Variants in NMNAT2 observed in about 807,000 individuals in gnomAD.
NMNAT2 encodes nicotinamide/nicotinic acid mononucleotide adenylyltransferase 2.
A neutral mutation model predicts 41.6 loss-of-function variants in NMNAT2; 11 were observed. The observed-to-expected ratio is 0.26, with a 90% CI of 0.17 to 0.44. The LOEUF is 0.44. Among genes scored for constraint, NMNAT2 ranks in the 20% least tolerant of loss-of-function variants. The probability of loss-of-function intolerance (pLI) is 1.00; values close to 1 mark genes in which losing one functional copy is unlikely to be tolerated. For missense variants in NMNAT2, 288 were observed against 407.7 expected (o/e 0.71, Z 2.53); for synonymous variants, 148 against 151.2 (o/e 0.98, Z 0.16).
intron 1 of NMNAT2, among the ~76,000 whole-genome samples, chr1:183,298,675 C>T (rs1007499105): frequency 6.6e-5 from 10 of 152,104 alleles, no homozygotes; most frequent in South Asian, 4.1e-4. Context: ...TTGAATTCAG[C>T]GCCACAACAA....
At chr1:183,357,274 G>A (rs1663214871) in intron 1 of NMNAT2, among the ~76,000 whole-genome samples, 1 of 137,900 alleles carries the variant, frequency 7.3e-6, no homozygotes, top group Non-Finnish European at 1.5e-5. Flanking sequence ...CTATCGCCCA[G>A]GCTGGAGTTC....
chr1:183,382,906 C>G (rs1321096391), intron 1 of NMNAT2, among the ~76,000 whole-genome samples: 2 of 152,154 alleles, frequency 1.3e-5, no homozygotes, highest in Non-Finnish European at 2.9e-5. Context: ...GCTGTCTTCT[C>G]ACAGCACCAT....
intron 1 of NMNAT2, among the ~76,000 whole-genome samples, chr1:183,303,769 G>C (rs940199810): frequency 1.1e-4 from 16 of 152,222 alleles, no homozygotes; most frequent in Non-Finnish European, 1.6e-4. Context: ...TGAAAGCACA[G>C]TACGGTCCAT....
intron 10 of NMNAT2, among the ~76,000 whole-genome samples, chr1:183,253,589 T>A (rs775770235): frequency 3.9e-5 from 6 of 152,106 alleles, no homozygotes; most frequent in Non-Finnish European, 7.3e-5. Flanking sequence ...CACCACTTTC[T>A]GCCCTCCACA....
At chr1:183,354,015 C>A (rs1663123982) in intron 1 of NMNAT2, among the ~76,000 whole-genome samples, 2 of 152,148 alleles carry the variant, frequency 1.3e-5, no homozygotes, top group Non-Finnish European at 2.9e-5. Flanking sequence ...GACAATCTTT[C>A]TCTGATGAAT....
intron 1 of NMNAT2, among the ~76,000 whole-genome samples, chr1:183,323,694 G>T (rs918550516): frequency 6.6e-6 from 1 of 152,192 alleles, no homozygotes; most frequent in African/African-American, 2.4e-5. Flanking sequence ...GATTTAGGCA[G>T]GATGTGGATC....
intron 1 of NMNAT2, among the ~76,000 whole-genome samples, chr1:183,300,051 G>C (rs1181917636): frequency 6.6e-6 from 1 of 152,098 alleles, no homozygotes; most frequent in Non-Finnish European, 1.5e-5. Flanking sequence ...TGGAATTACA[G>C]CCCCTATAAA....
intron 1 of NMNAT2, among the ~76,000 whole-genome samples, chr1:183,376,426 C>T (rs1663681038): frequency 6.6e-6 from 1 of 152,108 alleles, no homozygotes; most frequent in Admixed American, 6.5e-5. Flanking sequence ...AGTAAGCATC[C>T]ATTGATCTAT....
At chr1:183,359,919 C>A (rs1571618722) in intron 1 of NMNAT2, among the ~76,000 whole-genome samples, 1 of 152,134 alleles carries the variant, frequency 6.6e-6, no homozygotes, top group South Asian at 2.1e-4. Flanking sequence ...TAGAACGTTT[C>A]TTCTTGGGTC....
chr1:183,379,092 A>ATCTATCTAT (rs142685154), intron 1 of NMNAT2, among the ~76,000 whole-genome samples: 1 of 115,246 alleles, frequency 8.7e-6, no homozygotes, highest in Admixed American at 9.0e-5. Context: ...CTATATCTAT[A>ATCTATCTAT]ATCTATAATC....
intron 1 of NMNAT2, among the ~76,000 whole-genome samples, chr1:183,361,953 T>C (rs1410822510): frequency 6.6e-6 from 1 of 152,202 alleles, no homozygotes; most frequent in Admixed American, 6.5e-5. Flanking sequence ...TGTTTATTTA[T>C]TTGAGATGGA....
At chr1:183,409,219 TA>T (rs1201999827) in intron 1 of NMNAT2, among the ~76,000 whole-genome samples, 5 of 152,166 alleles carry the variant, frequency 3.3e-5, no homozygotes, top group Non-Finnish European at 7.4e-5. Flanking sequence ...AATTAAATTT[TA>T]AATAAAGCAT....
At chr1:183,342,070 G>A (rs1406432988) in intron 1 of NMNAT2, among the ~76,000 whole-genome samples, 1 of 138,132 alleles carries the variant, frequency 7.2e-6, no homozygotes, top group African/African-American at 2.8e-5. Context: ...GGGAACCCCT[G>A]CCCACTGCCC....
At chr1:183,326,853 C>G (rs1171120961) in intron 1 of NMNAT2, among the ~76,000 whole-genome samples, 1 of 152,014 alleles carries the variant, frequency 6.6e-6, no homozygotes, top group African/African-American at 2.4e-5. Flanking sequence ...TGGGCTGAAA[C>G]TTTGACTCTG....
intron 1 of NMNAT2, among the ~76,000 whole-genome samples, chr1:183,401,396 A>G (rs1648804214): frequency 6.6e-6 from 1 of 152,328 alleles, no homozygotes; most frequent in Non-Finnish European, 1.5e-5. Flanking sequence ...AATGGTGATC[A>G]TTAAAAAGTC....
chr1:183,357,219 CTTTTTT>C (rs11343113), intron 1 of NMNAT2, among the ~76,000 whole-genome samples: 2 of 71,600 alleles, frequency 2.8e-5, no homozygotes, highest in African/African-American at 5.8e-5. Flanking sequence ...ACATCAAATT[CTTTTTT>C]TTTTTTTTTT....
intron 8 of NMNAT2, among the ~76,000 whole-genome samples, 197 bp from the exon 9 acceptor site, chr1:183,261,500 A>G (rs1660656255): frequency 6.6e-6 from 1 of 152,234 alleles, no homozygotes; most frequent in African/African-American, 2.4e-5. Context: ...GAATAAGTGA[A>G]AGCATTGACT....
chr1:183,257,529 G>C (rs1412424556), intron 10 of NMNAT2, among the ~76,000 whole-genome samples: 1 of 152,140 alleles, frequency 6.6e-6, no homozygotes, highest in African/African-American at 2.4e-5. Context: ...TCTTTGTTGG[G>C]AAGTTTTTAA....
chr1:183,355,736 C>G (rs1232980952), intron 1 of NMNAT2, among the ~76,000 whole-genome samples: 1 of 152,206 alleles, frequency 6.6e-6, no homozygotes, highest in Non-Finnish European at 1.5e-5. Context: ...GGCTCACTCT[C>G]TAGCAGGCCT....
Sources: gnomAD v4.1 joint callset for allele counts (sites outside exome capture counted in the v4.1 genomes callset) on GRCh38, gnomAD v4.1.1 for gene constraint, MANE v1.5 for transcripts, NCBI Gene and HGNC (gene_info 2026-07-23, HGNC 2026-07-21) for gene names.